Variants in AMOT observed in about 807,000 individuals in gnomAD.
AMOT encodes the protein angiomotin.
In AMOT, 11 loss-of-function variants were observed where a neutral mutation model predicts 67.0. That is an observed-to-expected ratio of 0.16 (90% CI 0.10 to 0.27). The LOEUF (loss-of-function observed/expected upper bound fraction) is 0.27, where lower values mean the gene tolerates loss of function less well. AMOT is among the 10% of genes least tolerant of loss of function. The pLI is 1.00. For missense variants in AMOT, 753 were observed against 852.0 expected (o/e 0.88, Z 1.45); for synonymous variants, 326 against 321.4 (o/e 1.01, Z -0.15).
chrX:112,832,844 C>T (rs1044570016), intron 1 of AMOT, among the ~76,000 whole-genome samples: 1 of 111,249 alleles, frequency 9.0e-6, no homozygotes, highest in Non-Finnish European at 1.9e-5. Flanking sequence ...GTGCTGACTG[C>T]AGGTGTGGCA....
At chrX:112,837,891 G>T (rs1232153280) in intron 1 of AMOT, among the ~76,000 whole-genome samples, 3 of 111,777 alleles carry the variant, frequency 2.7e-5, no homozygotes, top group Non-Finnish European at 5.6e-5. Flanking sequence ...ATGGGAGAAA[G>T]AGATGATGTA....
intron 8 of AMOT, among the ~76,000 whole-genome samples, chrX:112,798,522 T>A (rs1425201789): frequency 8.9e-6 from 1 of 112,452 alleles, no homozygotes; most frequent in Admixed American, 9.4e-5. Context: ...AGAGCCCTTC[T>A]ATTTTCCTTG....
At chrX:112,808,442 C>T (rs1396322854) in intron 7 of AMOT, among the ~76,000 whole-genome samples, 2 of 111,500 alleles carry the variant, frequency 1.8e-5, no homozygotes, top group Non-Finnish European at 3.8e-5. Context: ...GCTTTCCTTT[C>T]TCCTGCCACA....
In AMOT at chrX:112,790,672, T is replaced by G; in HGVS notation, c.2037A>C (p.Thr679=). The G allele has an allele frequency of 8.3e-7, 1 of 1,211,157 alleles. No individual in the cohort carries two copies. The highest frequency in any genetic ancestry group is 1.1e-6 in the Non-Finnish European group (1 of 895,237). The change falls in exon 10 of 14, where the codon ACA becomes ACC. Residue 679 remains threonine (T), a synonymous_variant. Coordinates refer to ENST00000371959, the MANE Select transcript of AMOT (RefSeq NM_001113490.2). ...ERILALEADM[T]KWEQKYLEEN... ...CCTCCAAATATTTCTGCTCCCACTT[T>G]GTCATATCAGCTTCCAGAGCCAGAA...
intron 4 of AMOT, among the ~76,000 whole-genome samples, chrX:112,820,920 T>G (rs748735457): frequency 5.7e-5 from 6 of 105,211 alleles, no homozygotes; most frequent in Non-Finnish European, 9.7e-5. Flanking sequence ...CAGAGGAGGT[T>G]GAAAAGGGTT....
At chrX:112,836,843 G>A (rs747235858) in intron 1 of AMOT, among the ~76,000 whole-genome samples, 3 of 105,447 alleles carry the variant, frequency 2.8e-5, no homozygotes, top group South Asian at 4.5e-4. Flanking sequence ...AACCATAAAC[G>A]TATAAGAACT....
chrX:112,796,139 G>A (rs1029955979), intron 8 of AMOT, among the ~76,000 whole-genome samples: 2 of 111,126 alleles, frequency 1.8e-5, no homozygotes, highest in African/African-American at 3.3e-5. Context: ...CTTCAACACT[G>A]ACCAATATCC....
In AMOT at chrX:112,815,384, A is replaced by G. The variant is rs1005620001; in HGVS notation, c.1366T>C (p.Tyr456His). 1.5e-5 allele frequency: 18 copies of G among 1,209,139 alleles called. No homozygotes were observed. The highest frequency in any genetic ancestry group is 2.0e-5 in the Non-Finnish European group (18 of 894,811). The change falls in exon 5 of 14, where the codon TAT becomes CAT. Residue 456 changes from tyrosine (Y) to histidine (H), a missense_variant. This residue lies in a region of AMOT where 297 missense variants were observed against 284.3 expected (regional missense o/e 1.04). Transcript: ENST00000371959. ...RNLRQELEGC[Y>H]EKVARLQKVE... Reference sequence around the variant, plus strand: ...TTCTGCAGTCTTGCCACCTTCTCATAGCATCCTTCCAACTCTTGCCTCAAG... The same window carrying G: ...TTCTGCAGTCTTGCCACCTTCTCATGGCATCCTTCCAACTCTTGCCTCAAG...
At chrX:112,795,004 G>A (rs6568084) in intron 8 of AMOT, among the ~76,000 whole-genome samples, 9,962 of 110,969 alleles carry the variant, frequency 0.09, 459 homozygotes, top group Admixed American at 0.19. Flanking sequence ...AACACTTTAT[G>A]CTGTAGATAT....
chrX:112,819,464 C>T, intron 4 of AMOT: 13 of 699,756 alleles, frequency 1.9e-5, no homozygotes, highest in Non-Finnish European at 2.0e-5. Flanking sequence ...CCTTAGATTC[C>T]ACTAAACAAG....
At chrX:112,791,215 A>C (rs1424164098) in intron 9 of AMOT, among the ~76,000 whole-genome samples, 1 of 107,124 alleles carries the variant, frequency 9.3e-6, no homozygotes, top group Non-Finnish European at 1.9e-5. Context: ...CCCCATCTCT[A>C]CTAAAAATAC....
chrX:112,838,854 G>A (rs1005987172), intron 1 of AMOT, among the ~76,000 whole-genome samples: 1 of 112,315 alleles, frequency 8.9e-6, no homozygotes, highest in Non-Finnish European at 1.9e-5. Context: ...TTAAAATGAA[G>A]TATGATGTAG....
chrX:112,790,798 C>T lies in AMOT; in HGVS notation c.1927-16G>A, dbSNP rs1933545249. The stretch of plus-strand genomic sequence containing the variant: ...TGCCCTGACGCTGTTGGGGCAGATG[C>T]AGAGAACCCTCAAGTTAGTGAGAGA... On this transcript the variant is annotated splice_polypyrimidine_tract_variant and intron_variant, in intron 9 of 13. Coordinates refer to ENST00000371959, the MANE Select transcript of AMOT (RefSeq NM_001113490.2). The T allele has an allele frequency of 1.7e-6, 2 of 1,152,567 alleles. No individual in the cohort carries two copies. The highest frequency in any genetic ancestry group is 2.3e-6 in the Non-Finnish European group (2 of 865,067). The allele number at this position is 1,152,567 out of a possible 1,213,427, so 95.0% of individuals were successfully genotyped here.
intron 9 of AMOT, 36 bp from the exon 10 acceptor site, chrX:112,790,818 G>A: frequency 9.0e-7 from 1 of 1,115,673 alleles, no homozygotes; most frequent in Non-Finnish European, 1.2e-6. Flanking sequence ...TCAAGTTAGT[G>A]AGAGAAGAAC....
intron 11 of AMOT, 53 bp from the exon 12 acceptor site, chrX:112,781,171 G>C (rs1484549022): frequency 9.0e-7 from 1 of 1,109,012 alleles, no homozygotes; most frequent in Non-Finnish European, 1.2e-6. Flanking sequence ...GCTGGGCGCG[G>C]TGGCTTACGC....
At position 112,820,955 on chromosome X, in the gene AMOT, G is replaced by C. The variant is rs181875155; in HGVS notation, c.872+1300C>G. 5.4e-5 allele frequency among the ~76,000 whole-genome samples: 5 copies of C among 93,433 alleles called. No individual in the cohort carries two copies. The East Asian group carries it at 1.7e-3, about 31-fold the overall frequency. 81.1% of individuals were successfully genotyped at this position (93,433 alleles called of 115,157 possible). ...TAGGAAATCAACCTGGGTTAAGAGG[G>C]AAAAAAAAAAAAAAATCCTAAACTG... On this transcript the variant is annotated intron_variant, in intron 4 of 13. Coordinates refer to ENST00000371959, the MANE Select transcript of AMOT (RefSeq NM_001113490.2).
chrX:112,774,989 T>A lies in AMOT; in HGVS notation c.*3578A>T, dbSNP rs1422558788. 1 of 112,217 alleles carries A rather than the reference T, an allele frequency of 8.9e-6. No individual in the cohort carries two copies. Among genetic ancestry groups the A allele is most frequent in the African/African-American group, 3.2e-5 (1 of 30,882 alleles). 9.2% of individuals were successfully genotyped at this position (112,217 alleles called of 1,213,427 possible). A position where few individuals can be genotyped will look rare whatever the true frequency, so the allele number is the denominator to read the frequency against. On this transcript the variant is annotated 3_prime_UTR_variant, in exon 14 of 14. Coordinates refer to ENST00000371959, the MANE Select transcript of AMOT (RefSeq NM_001113490.2). ...AGTTGATTACAGAATGGGGTCACAATCATTAGGGGACCACATACATTTTAA... is the reference window on the plus strand; with the variant it reads ...AGTTGATTACAGAATGGGGTCACAAACATTAGGGGACCACATACATTTTAA...
At chrX:112,831,339 T>C (rs887737572) in intron 2 of AMOT, among the ~76,000 whole-genome samples, 19 of 110,166 alleles carry the variant, frequency 1.7e-4, no homozygotes, top group Non-Finnish European at 3.2e-4. Flanking sequence ...CTGCTCAACA[T>C]GGAAAATGAA....
chrX:112,813,863 C>T (rs186326321), intron 5 of AMOT, among the ~76,000 whole-genome samples: 74 of 111,571 alleles, frequency 6.6e-4, no homozygotes, highest in Middle Eastern at 4.7e-3. Flanking sequence ...TTAAAATTTG[C>T]GGGTGAAAAT....
Sources: gnomAD v4.1 joint callset for allele counts (sites outside exome capture counted in the v4.1 genomes callset) on GRCh38, gnomAD v4.1.1 for gene constraint, gnomAD v4.1.1 regional missense constraint, MANE v1.5 for transcripts, NCBI Gene and HGNC (gene_info 2026-07-23, HGNC 2026-07-21) for gene names.